Variants in HELZ observed in about 807,000 individuals in gnomAD.
HELZ encodes the protein ATP-dependent RNA helicase with zinc finger domain.
In HELZ, 23 loss-of-function variants were observed where a neutral mutation model predicts 218.2. That is an observed-to-expected ratio of 0.11 (90% CI 0.08 to 0.15). The LOEUF is 0.15. Ranked by LOEUF, HELZ falls within the 10% of genes least tolerant of loss-of-function variation. HELZ has a pLI of 1.00. For missense variants in HELZ, 1,813 were observed against 2,353.7 expected (o/e 0.77, Z 4.75); for synonymous variants, 814 against 829.4 (o/e 0.98, Z 0.32).
chr17:67,182,818 A>G (rs990236699), intron 12 of HELZ, among the ~76,000 whole-genome samples: 11 of 152,358 alleles, frequency 7.2e-5, no homozygotes, highest in African/African-American at 2.6e-4. Context: ...TTGCATTTCA[A>G]CCACATCTTT....
chr17:67,193,460 C>G (rs9898449), intron 9 of HELZ, among the ~76,000 whole-genome samples: 13,245 of 151,930 alleles, frequency 0.087, 1,510 homozygotes, highest in African/African-American at 0.26. Context: ...GCTCACGCCT[C>G]TAATCCCAGC....
intron 13 of HELZ, among the ~76,000 whole-genome samples, chr17:67,169,666 A>G (rs2039252820): frequency 6.6e-6 from 1 of 152,082 alleles, no homozygotes. Context: ...TGTTCTTCTC[A>G]CATACAGAAT....
At position 67,125,486 on chromosome 17, in the gene HELZ, GAAGA is replaced by G. The variant is rs138390038; in HGVS notation, c.3388-1476_3388-1473del. On this transcript the variant is annotated intron_variant, in intron 24 of 32. Coordinates refer to ENST00000358691, the MANE Select transcript of HELZ (RefSeq NM_014877.4). ...TCAGCCAGTAGCACACACACTGACA[GAAGA>G]AAGGAGAGCCAGTGACACAAACAGC... 5.0e-3 allele frequency among the ~76,000 whole-genome samples: 763 copies of G among 151,544 alleles called. 7 individuals are homozygous for G. The highest frequency in any genetic ancestry group is 0.018 in the African/African-American group (722 of 41,214).
At chr17:67,201,206 GAGA>G in intron 6 of HELZ, 21 bp from the exon 7 acceptor site, 1 of 1,535,320 alleles carries the variant, frequency 6.5e-7, no homozygotes, top group Non-Finnish European at 9.0e-7. Context: ...GAATAAAAAA[GAGA>G]AGAACCAATT....
At chr17:67,152,779 A>AC (rs1419979491) in intron 17 of HELZ, among the ~76,000 whole-genome samples, 1 of 151,510 alleles carries the variant, frequency 6.6e-6, no homozygotes, top group Non-Finnish European at 1.5e-5. Context: ...AAAAAAAAAA[A>AC]AAAAAACAAC....
chr17:67,194,683 A>G (rs1285288368), intron 8 of HELZ, among the ~76,000 whole-genome samples: 2 of 152,222 alleles, frequency 1.3e-5, no homozygotes, highest in Non-Finnish European at 2.9e-5. Flanking sequence ...AATAAGGATA[A>G]TGAGAAAAAA....
chr17:67,128,842 G>A lies in HELZ; in HGVS notation c.3196C>T (p.Arg1066Trp), dbSNP rs753412795. The A allele has an allele frequency of 1.1e-5, 18 of 1,613,276 alleles. No individual in the cohort carries two copies. Among genetic ancestry groups the A allele is most frequent in the African/African-American group, 2.7e-5 (2 of 74,866 alleles). Residue 1066 changes from arginine to tryptophan, a missense_variant, in exon 24 of 33, where the codon CGG becomes TGG. Physicochemically the swap from Arg to Trp is moderately radical, Grantham distance 101 (BLOSUM62 -3). Coordinates refer to ENST00000358691, the MANE Select transcript of HELZ (RefSeq NM_014877.4). Reference sequence around the variant, plus strand: ...TTTTCATGACACAGGGCAATAAACCGTTCCCAAAATTTCCTACAGAAAAGA... The same window carrying A: ...TTTTCATGACACAGGGCAATAAACCATTCCCAAAATTTCCTACAGAAAAGA... ...SIGRCRKFWERFIALCHENSS... is the reference protein window; with the variant it reads ...SIGRCRKFWEWFIALCHENSS...
At chr17:67,205,596 G>A (rs1250699235) in intron 5 of HELZ, among the ~76,000 whole-genome samples, 1 of 152,080 alleles carries the variant, frequency 6.6e-6, no homozygotes, top group Non-Finnish European at 1.5e-5. Flanking sequence ...TTAGTAACTG[G>A]GATATTAAGA....
Position 67,214,664 on chromosome 17 carries a change from T to C in HELZ, c.247+1235A>G, listed in dbSNP as rs536727004. Among the ~76,000 whole-genome samples the C allele has an allele frequency of 1.2e-4, 18 of 152,114 alleles. No individual in the cohort carries two copies. The South Asian group carries it at 2.9e-3, about 25-fold the overall frequency. On this transcript the variant is annotated intron_variant, in intron 5 of 32. Coordinates refer to ENST00000358691, the MANE Select transcript of HELZ (RefSeq NM_014877.4). ...AGCACCACTACCCCCAAATTCTGGA[T>C]GAACAAAACACTGTATTATTCAAAC...
intron 3 of HELZ, among the ~76,000 whole-genome samples, chr17:67,232,265 T>G (rs1407979642): frequency 6.6e-6 from 1 of 151,766 alleles, no homozygotes; most frequent in Non-Finnish European, 1.5e-5. Context: ...TTCCTCAACC[T>G]CCTGAGTAGC....
intron 9 of HELZ, 131 bp downstream of exon 9, chr17:67,193,836 C>T: frequency 1.5e-6 from 1 of 660,994 alleles, no homozygotes; most frequent in Non-Finnish European, 2.6e-6. Context: ...ACTTTTATTA[C>T]TTAATGATAA....
chr17:67,131,699 T>C (rs552865406), intron 23 of HELZ, among the ~76,000 whole-genome samples: 67 of 152,284 alleles, frequency 4.4e-4, no homozygotes, highest in African/African-American at 1.6e-3. Context: ...AGTTTCCTCA[T>C]GTGCAAAGTG....
rs1181291881 is a variant in HELZ at position 67,074,332 on chromosome 17, C to T, written c.*3920G>A. On this transcript the variant is annotated 3_prime_UTR_variant, in exon 33 of 33. Coordinates refer to ENST00000358691, the MANE Select transcript of HELZ (RefSeq NM_014877.4). ...CTTTCAATACATTTAAAGTTTTAAC[C>T]TTGTATTTTTATAGATTCTTTCTGG... 6.6e-6 allele frequency: 1 copy of T among 151,700 alleles called. No homozygotes were observed. The highest frequency in any genetic ancestry group is 1.5e-5 in the Non-Finnish European group (1 of 67,946). The allele number at this position is 151,700 out of a possible 1,614,324, so 9.4% of individuals were successfully genotyped here. A position where few individuals can be genotyped will look rare whatever the true frequency, so the allele number is the denominator to read the frequency against.
chr17:67,137,860 T>A (rs2038201061), intron 22 of HELZ, 71 bp downstream of exon 22: 2 of 1,161,940 alleles, frequency 1.7e-6, no homozygotes, highest in Non-Finnish European at 2.4e-6. Flanking sequence ...TCTTGAGTAC[T>A]AAAAATCCAA....
intron 21 of HELZ, among the ~76,000 whole-genome samples, chr17:67,139,731 T>C (rs914616824): frequency 1.3e-4 from 20 of 152,222 alleles, no homozygotes; most frequent in Non-Finnish European, 2.5e-4. Context: ...CTACAAGCTA[T>C]GGACTGCCCC....
At chr17:67,091,431 T>C (rs1455208481) in intron 31 of HELZ, among the ~76,000 whole-genome samples, 1 of 152,144 alleles carries the variant, frequency 6.6e-6, no homozygotes, top group Non-Finnish European at 1.5e-5. Flanking sequence ...GGAAAAGTTC[T>C]CCTTTATAAA....
At chr17:67,112,783 G>A (rs1388978545) in intron 28 of HELZ, among the ~76,000 whole-genome samples, 1 of 152,212 alleles carries the variant, frequency 6.6e-6, no homozygotes, top group Non-Finnish European at 1.5e-5. Flanking sequence ...ACAGAACTCT[G>A]AGAAATCCCA....
At chr17:67,151,780 A>G (rs989292091) in intron 17 of HELZ, among the ~76,000 whole-genome samples, 1 of 152,328 alleles carries the variant, frequency 6.6e-6, no homozygotes, top group Non-Finnish European at 1.5e-5. Context: ...GAACAACTGG[A>G]AAGTCTTAAG....
At chr17:67,170,051 G>A (rs977726736) in intron 13 of HELZ, among the ~76,000 whole-genome samples, 3 of 152,194 alleles carry the variant, frequency 2.0e-5, no homozygotes, top group African/African-American at 7.2e-5. Context: ...GGGCCCCCAA[G>A]GCCTCAGGCA....
Sources: gnomAD v4.1 joint callset for allele counts (sites outside exome capture counted in the v4.1 genomes callset) on GRCh38, gnomAD v4.1.1 for gene constraint, MANE v1.5 for transcripts, NCBI Gene and HGNC (gene_info 2026-07-23, HGNC 2026-07-21) for gene names.